LAMB1: variants seen among roughly 807,000 people sequenced by gnomAD.
The protein encoded by LAMB1 is laminin subunit beta-1.
Under a neutral mutation model 222.3 loss-of-function variants are expected in LAMB1, and 121 were observed. The observed-to-expected ratio is 0.54, with a 90% CI of 0.47 to 0.63. LAMB1 has a LOEUF of 0.63. LAMB1 is among the 30% of genes least tolerant of loss of function. The pLI is 0.00. For synonymous variants in LAMB1, 794 were observed against 807.2 expected, an observed-to-expected ratio of 0.98 and a Z score of 0.28; for missense variants, 2,172 against 2,240.8, an observed-to-expected ratio of 0.97 and a Z score of 0.62.
At chr7:107,998,218 C>T in intron 4 of LAMB1, 139 bp downstream of exon 4, 2 of 757,262 alleles carry the variant, frequency 2.6e-6, no homozygotes, top group Non-Finnish European at 4.3e-6. Flanking sequence ...GAAGTTAGTG[C>T]TCCAGGCAGT....
chr7:107,961,466 T>A, intron 16 of LAMB1, 83 bp downstream of exon 16: 2 of 1,581,310 alleles, frequency 1.3e-6, no homozygotes, highest in Non-Finnish European at 1.7e-6. Context: ...TCTGAAATGG[T>A]GACTTGAAAA....
chr7:107,947,979 TC>T (rs1308062028), intron 24 of LAMB1, among the ~76,000 whole-genome samples: 8 of 110,096 alleles, frequency 7.3e-5, no homozygotes, highest in East Asian at 3.3e-4. Context: ...TATATCTTCT[TC>T]TTCTTTTTTT....
rs527662356 is a variant in LAMB1, at chr7:107,985,527, G to A, written c.676+495C>T. 2.6e-5 allele frequency among the ~76,000 whole-genome samples: 4 copies of A among 152,290 alleles called. No individual in the cohort carries two copies. In the East Asian group the frequency reaches 7.7e-4, roughly 29 times the overall value. On this transcript the variant is annotated intron_variant, in intron 7 of 33. Transcript: ENST00000222399. ...ACCTGTAATCCCAGCTACTCGGGAG[G>A]CTGAGGCAGGAGAATCACTTGAACC...
chr7:107,964,711 C>T (rs897835369), intron 13 of LAMB1, 24 bp from the exon 14 acceptor site: 1 of 1,613,484 alleles, frequency 6.2e-7, no homozygotes, highest in Middle Eastern at 1.7e-4. Flanking sequence ...GGAGCCACAT[C>T]AGCTGAGTTC....
chr7:107,991,850 G>A (rs1247499951), intron 5 of LAMB1, among the ~76,000 whole-genome samples: 1 of 144,418 alleles, frequency 6.9e-6, no homozygotes, highest in Non-Finnish European at 1.5e-5. Flanking sequence ...GGAGCTTGCA[G>A]TGAGCTGAGA....
intron 20 of LAMB1, among the ~76,000 whole-genome samples, chr7:107,958,821 A>C (rs1228542807): frequency 1.3e-5 from 2 of 152,222 alleles, no homozygotes; most frequent in Non-Finnish European, 2.9e-5. Flanking sequence ...TCTCCTGGAA[A>C]CTGTAGTTGC....
intron 24 of LAMB1, among the ~76,000 whole-genome samples, chr7:107,943,316 T>C (rs763726866): frequency 4.6e-5 from 7 of 152,228 alleles, no homozygotes; most frequent in Non-Finnish European, 7.3e-5. Flanking sequence ...CATGGGATCT[T>C]TTTTTAGTGG....
chr7:108,001,497 C>G (rs905028609), intron 3 of LAMB1, 61 bp downstream of exon 3: 1 of 1,488,254 alleles, frequency 6.7e-7, no homozygotes, highest in African/African-American at 1.4e-5. Flanking sequence ...CAGGGCCTGC[C>G]CCTTAGGTCT....
At position 107,980,769 on chromosome 7, in the gene LAMB1, A is replaced by G; in HGVS notation, c.719T>C (p.Leu240Pro). The G allele has an allele frequency of 1.2e-6, 2 of 1,612,370 alleles. No homozygotes were observed. The highest frequency in any genetic ancestry group is 1.7e-6 in the Non-Finnish European group (2 of 1,178,382). The stretch of plus-strand genomic sequence containing the variant: ...CAGAAGGTTATCTCCCAAAGTATGC[A>G]GTTTCACAAACTTGATTCTCAAGTT... ...ITNLRIKFVK[L>P]HTLGDNLLDS... The change falls in exon 8 of 34, where the codon CTG becomes CCG. Residue 240 changes from leucine (L) to proline (P), a missense_variant. Transcript: ENST00000222399.
In LAMB1 at chr7:107,932,703, C is replaced by CT. The variant is rs1171175413; in HGVS notation, c.4189-327dup. 10 of 315,178 alleles carry CT rather than the reference C, an allele frequency of 3.2e-5. No homozygotes were observed. In the East Asian group the frequency reaches 5.7e-4, roughly 18 times the overall value. The allele number at this position is 315,178 out of a possible 1,614,324, so 19.5% of individuals were successfully genotyped here. A position where few individuals can be genotyped will look rare whatever the true frequency, so the allele number is the denominator to read the frequency against. On this transcript the variant is annotated intron_variant, in intron 27 of 33. Transcript: ENST00000222399. ...TGCCAGTGCAAGGGCCAAGGAATGC[C>CT]TTCCTTTTTTTCTAACCAGTTAGAG...
At position 107,929,090 on chromosome 7, in the gene LAMB1, G is replaced by T. The variant is rs772463630; in HGVS notation, c.4861C>A (p.Gln1621Lys). ...GAAGTTAACAGGTTCTGGGTTCCTT[G>T]AATGTCTTCATCTGCTTGTTTAATT... ...KAIKQADEDI[Q>K]GTQNLLTSIE... Residue 1621 changes from glutamine to lysine, a missense_variant, in exon 31 of 34, where the codon CAA becomes AAA. Coordinates refer to ENST00000222399, the MANE Select transcript of LAMB1 (RefSeq NM_002291.3). 3.1e-6 allele frequency: 5 copies of T among 1,613,984 alleles called. No individual in the cohort carries two copies. In the South Asian group the frequency reaches 5.5e-5, roughly 18 times the overall value.
At chr7:107,958,809 AGT>A (rs1243211558) in intron 20 of LAMB1, among the ~76,000 whole-genome samples, 1 of 152,206 alleles carries the variant, frequency 6.6e-6, no homozygotes, top group Non-Finnish European at 1.5e-5. Flanking sequence ...TGTTTTATAG[AGT>A]CTCCTGGAAA....
intron 8 of LAMB1, among the ~76,000 whole-genome samples, chr7:107,979,240 C>T (rs986977613): frequency 2.6e-5 from 4 of 152,350 alleles, no homozygotes; most frequent in South Asian, 4.1e-4. Context: ...CCTCCCTCCC[C>T]TTCAGGCTCC....
At chr7:107,984,582 G>A (rs908456751) in intron 7 of LAMB1, among the ~76,000 whole-genome samples, 9 of 152,058 alleles carry the variant, frequency 5.9e-5, no homozygotes, top group South Asian at 2.1e-4. Context: ...TGCTTGCCTC[G>A]TCTTCCCTCT....
Position 107,950,003 on chromosome 7 carries a change from G to A in LAMB1, c.3391+1223C>T, listed in dbSNP as rs146357619. On this transcript the variant is annotated intron_variant, in intron 24 of 33. Coordinates refer to ENST00000222399, the MANE Select transcript of LAMB1 (RefSeq NM_002291.3). ...TTCTAGAACTTTGGGAGGCCGAGGC[G>A]GGTGAATCATGAGGTCAGGAGTTTG... 8.7e-3 allele frequency among the ~76,000 whole-genome samples: 1,324 copies of A among 152,242 alleles called. 18 individuals carry two copies. The highest frequency in any genetic ancestry group is 0.03 in the African/African-American group (1,260 of 41,540).
intron 21 of LAMB1, among the ~76,000 whole-genome samples, chr7:107,954,620 AAAAC>A (rs2150423890): frequency 6.6e-6 from 1 of 152,218 alleles, no homozygotes; most frequent in South Asian, 2.1e-4. Context: ...CAAAAATACA[AAAAC>A]AAAATTAGCC....
At position 107,929,126 on chromosome 7, in the gene LAMB1, C is replaced by T. The variant is rs41281045; in HGVS notation, c.4825G>A (p.Ala1609Thr). The change falls in exon 31 of 34, where the codon GCA becomes ACA. Residue 1609 changes from alanine (A) to threonine (T), a missense_variant. Transcript: ENST00000222399. ...LEEAEKAQVAAEKAIKQADED... is the reference protein window; with the variant it reads ...LEEAEKAQVATEKAIKQADED... ...TCTGCTTGTTTAATTGCCTTCTCTGCTGCGACCTGGGCCTTTTCTGCTTCT... is the reference window on the plus strand; with the variant it reads ...TCTGCTTGTTTAATTGCCTTCTCTGTTGCGACCTGGGCCTTTTCTGCTTCT... 1.2e-6 allele frequency: 2 copies of T among 1,613,978 alleles called. No individual in the cohort carries two copies. The highest frequency in any genetic ancestry group is 8.5e-7 in the Non-Finnish European group (1 of 1,180,012).
intron 24 of LAMB1, among the ~76,000 whole-genome samples, chr7:107,940,747 C>T (rs780530260): frequency 5.9e-5 from 9 of 152,182 alleles, no homozygotes; most frequent in Non-Finnish European, 1.2e-4. Context: ...TGATTCAGTT[C>T]TTTGCAACTC....
rs549060911 is a variant in LAMB1, at chr7:107,992,848, T to C, written c.423+2039A>G. Among the ~76,000 whole-genome samples the C allele has an allele frequency of 7.0e-4, 107 of 152,170 alleles. 1 individual carries two copies. Among genetic ancestry groups the C allele is most frequent in the African/African-American group, 2.3e-3 (97 of 41,500 alleles). On this transcript the variant is annotated intron_variant, in intron 5 of 33. Coordinates refer to ENST00000222399, the MANE Select transcript of LAMB1 (RefSeq NM_002291.3). ...AGGCGGAGGGTGTAGTGAGCCAAGA[T>C]TGCACCACTGCACTCCAGCCTGGGC...
Sources: allele counts gnomAD v4.1 joint callset (sites outside exome capture counted in the v4.1 genomes callset), GRCh38; gene constraint gnomAD v4.1.1; transcripts MANE v1.5; gene names NCBI Gene and HGNC (gene_info 2026-07-23, HGNC 2026-07-21).